RNLS: variants seen among roughly 807,000 people sequenced by gnomAD.
RNLS encodes renalase, FAD dependent amine oxidase, also known as renalase.
A neutral mutation model predicts 39.8 loss-of-function variants in RNLS; 39 were observed. That is an observed-to-expected ratio of 0.98 (90% CI 0.76 to 1.28). The LOEUF (loss-of-function observed/expected upper bound fraction) is 1.28. Ranked by LOEUF, RNLS falls within the 50% of genes most tolerant of loss-of-function variation. The pLI, the probability that RNLS is intolerant of heterozygous loss-of-function variation, is 0.00. For synonymous variants in RNLS, 147 were observed against 150.7 expected, an observed-to-expected ratio of 0.98 and a Z score of 0.18; for missense variants, 410 against 413.3, an observed-to-expected ratio of 0.99 and a Z score of 0.07.
At chr10:88,233,209 A>G in the RNLS span, among the ~76,000 whole-genome samples, 11 of 152,218 alleles carry the variant, frequency 7.2e-5, no homozygotes, top group Admixed American at 6.5e-5. Flanking sequence ...CAGCAAATCC[A>G]AGAAACAATC....
intron 4 of RNLS, among the ~76,000 whole-genome samples, chr10:88,424,909 C>A (rs1854640786): frequency 2.0e-5 from 3 of 152,158 alleles, no homozygotes; most frequent in Non-Finnish European, 4.4e-5. Context: ...ATGCTTTTTT[C>A]TTCATCTACA....
rs746274150 is a variant in RNLS, at chr10:88,583,223, C to G, written c.-33G>C. On this transcript the variant is annotated 5_prime_UTR_variant, in exon 1 of 7. Coordinates refer to ENST00000331772, the MANE Select transcript of RNLS (RefSeq NM_001031709.3). ...GGGAGCAGCGATCCGCGCTGAGTCT[C>G]TGCGGCGGGGCCGTTCGGCCCGGGC... The G allele has an allele frequency of 3.1e-6, 5 of 1,611,520 alleles. No individual in the cohort carries two copies. The African/African-American group carries it at 6.7e-5, about 22-fold the overall frequency.
chr10:88,259,608 T>A, the RNLS span, among the ~76,000 whole-genome samples: 1 of 152,232 alleles, frequency 6.6e-6, no homozygotes, highest in South Asian at 2.1e-4. Context: ...AGTTACCAAC[T>A]GGCTGCGTTC....
chr10:88,308,470 A>T (rs1463369577), intron 6 of RNLS, among the ~76,000 whole-genome samples: 2 of 152,208 alleles, frequency 1.3e-5, no homozygotes, highest in Non-Finnish European at 2.9e-5. Context: ...ACAAGTGGGC[A>T]AAGGACAAGC....
At chr10:88,571,662 C>T (rs868592890) in intron 4 of RNLS, among the ~76,000 whole-genome samples, 1 of 152,186 alleles carries the variant, frequency 6.6e-6, no homozygotes, top group South Asian at 2.1e-4. Context: ...ATCCTCCCTG[C>T]CCCAGTACTT....
chr10:88,564,557 T>C (rs530569731), intron 4 of RNLS, among the ~76,000 whole-genome samples: 1 of 152,230 alleles, frequency 6.6e-6, no homozygotes, highest in East Asian at 1.9e-4. Context: ...GAGAGGAAGA[T>C]CAAGTACACA....
At chr10:88,547,066 T>G (rs547208422) in intron 4 of RNLS, among the ~76,000 whole-genome samples, 13 of 152,348 alleles carry the variant, frequency 8.5e-5, no homozygotes, top group African/African-American at 2.6e-4. Flanking sequence ...AATGAAAGGT[T>G]GAACAGGAGC....
chr10:88,265,669 T>C, the RNLS span, among the ~76,000 whole-genome samples: 1 of 152,198 alleles, frequency 6.6e-6, no homozygotes, highest in Non-Finnish European at 1.5e-5. Flanking sequence ...TGTTGGTGTA[T>C]AGCAGAACTA....
intron 4 of RNLS, among the ~76,000 whole-genome samples, chr10:88,418,462 C>T (rs945544809): frequency 2.0e-5 from 3 of 152,174 alleles, no homozygotes; most frequent in Middle Eastern, 3.2e-3. Flanking sequence ...TAATCCATCA[C>T]ATTGTGCTAT....
intron 4 of RNLS, among the ~76,000 whole-genome samples, chr10:88,428,378 T>C (rs1667572051): frequency 6.6e-6 from 1 of 151,364 alleles, no homozygotes; most frequent in South Asian, 2.1e-4. Flanking sequence ...TTCTCAAATT[T>C]GTCTTTTGCA....
intron 4 of RNLS, among the ~76,000 whole-genome samples, chr10:88,542,206 T>C (rs747567697): frequency 1.6e-4 from 24 of 152,022 alleles, no homozygotes; most frequent in Non-Finnish European, 3.4e-4. Context: ...CATCTCAGAA[T>C]CAGCTCTGAG....
chr10:88,365,360 C>A (rs1022837284), intron 4 of RNLS, among the ~76,000 whole-genome samples: 2 of 117,452 alleles, frequency 1.7e-5, no homozygotes, highest in African/African-American at 7.1e-5. Context: ...CTAGGTCCCA[C>A]ATATTTTGGC....
intron 4 of RNLS, among the ~76,000 whole-genome samples, chr10:88,485,342 C>G (rs1844426857): frequency 1.3e-5 from 2 of 151,574 alleles, no homozygotes; most frequent in Non-Finnish European, 3.0e-5. Context: ...TTGACAAAGG[C>G]AATTCAGTGG....
At chr10:88,371,658 G>A (rs948993760) in intron 4 of RNLS, among the ~76,000 whole-genome samples, 4 of 152,016 alleles carry the variant, frequency 2.6e-5, no homozygotes, top group Middle Eastern at 3.2e-3. Context: ...TCTCACAATC[G>A]TATAAAAATA....
At chr10:88,172,463 A>G in the RNLS span, among the ~76,000 whole-genome samples, 2 of 152,000 alleles carry the variant, frequency 1.3e-5, no homozygotes, top group Admixed American at 1.3e-4. Flanking sequence ...CTTGTTGGCA[A>G]TTTGTATATT....
rs536879215 is a variant in RNLS at position 88,386,683 on chromosome 10, T to C, written c.527-23958A>G. ...GAAAAGGGTGGATTTCTAGCTATCA[T>C]TCCCATGTTACTTAGTTTCCATAGA... On this transcript the variant is annotated intron_variant, in intron 4 of 6. Coordinates refer to ENST00000331772, the MANE Select transcript of RNLS (RefSeq NM_001031709.3). 1.4e-4 allele frequency among the ~76,000 whole-genome samples: 21 copies of C among 152,324 alleles called. No individual in the cohort carries two copies. In the South Asian group the frequency reaches 4.4e-3, roughly 32 times the overall value.
chr10:88,241,799 A>C, the RNLS span, among the ~76,000 whole-genome samples: 2 of 152,212 alleles, frequency 1.3e-5, no homozygotes, highest in South Asian at 4.1e-4. Context: ...TCTAGGCCCC[A>C]AAATGTCAGC....
intron 4 of RNLS, among the ~76,000 whole-genome samples, chr10:88,500,269 A>G (rs1290128246): frequency 1.3e-5 from 2 of 152,118 alleles, no homozygotes; most frequent in Admixed American, 6.6e-5. Flanking sequence ...CATCTCCTAC[A>G]CTAATTCCAC....
At chr10:88,420,896 A>C (rs1415844489) in intron 4 of RNLS, among the ~76,000 whole-genome samples, 1 of 152,202 alleles carries the variant, frequency 6.6e-6, no homozygotes, top group Non-Finnish European at 1.5e-5. Context: ...ATGCCTGGCT[A>C]CTCTTAATCA....
Sources: gnomAD v4.1 joint callset for allele counts (sites outside exome capture counted in the v4.1 genomes callset) on GRCh38, gnomAD v4.1.1 for gene constraint, MANE v1.5 for transcripts, NCBI Gene and HGNC (gene_info 2026-07-23, HGNC 2026-07-21) for gene names.